C14orf39: variants seen among roughly 807,000 people sequenced by gnomAD.
C14orf39 encodes the protein chromosome 14 open reading frame 39.
A neutral mutation model predicts 85.6 loss-of-function variants in C14orf39; 66 were observed. The ratio of observed to expected loss-of-function variants is 0.77; its 90% confidence interval spans 0.63 to 0.95. The LOEUF (loss-of-function observed/expected upper bound fraction) is 0.95, where lower values mean the gene tolerates loss of function less well. Ranked by LOEUF, C14orf39 falls within the 40% of genes least tolerant of loss-of-function variation. The pLI is 0.00. For synonymous variants in C14orf39, 242 were observed against 214.0 expected (o/e 1.13, Z -1.14); for missense variants, 735 against 663.9 (o/e 1.11, Z -1.18).
At chr14:60,460,512 A>G (rs1321482051) in intron 13 of C14orf39, among the ~76,000 whole-genome samples, 2 of 151,802 alleles carry the variant, frequency 1.3e-5, no homozygotes, top group Non-Finnish European at 3.0e-5. Flanking sequence ...AAAACTTCAA[A>G]ACAAAAGTCA....
At chr14:60,507,906 A>G (rs1292412874) in intron 1 of C14orf39, among the ~76,000 whole-genome samples, 1 of 152,110 alleles carries the variant, frequency 6.6e-6, no homozygotes, top group East Asian at 1.9e-4. Flanking sequence ...TTCAAACTAA[A>G]CAAACCCCTA....
intron 16 of C14orf39, among the ~76,000 whole-genome samples, chr14:60,452,983 G>A (rs1891107006): frequency 6.6e-6 from 1 of 151,978 alleles, no homozygotes. Flanking sequence ...AGAATATGGT[G>A]TATCTTGCTG....
rs1241385249 is a variant in C14orf39, at chr14:60,515,448, C to T, written c.-197G>A. 2 of 152,022 alleles carry T rather than the reference C, an allele frequency of 1.3e-5. No homozygotes were observed. Among genetic ancestry groups the T allele is most frequent in the African/African-American group, 4.8e-5 (2 of 41,428 alleles). The allele number at this position is 152,022 out of a possible 1,614,324, so 9.4% of individuals were successfully genotyped here. ...CGGACGTGTAGGCCTCGAGCCACTCCTACTGTTGGGCTGCGTGACTCAGCG... is the reference window on the plus strand; with the variant it reads ...CGGACGTGTAGGCCTCGAGCCACTCTTACTGTTGGGCTGCGTGACTCAGCG... On this transcript the variant is annotated 5_prime_UTR_variant, in exon 1 of 6. Coordinates refer to the C14orf39 transcript ENST00000556799. The surrounding 1 kb of genome is among the most constrained non-coding windows in gnomAD (Gnocchi z 6.2).
intron 5 of C14orf39, among the ~76,000 whole-genome samples, chr14:60,473,159 T>C (rs1263344691): frequency 6.6e-6 from 1 of 152,244 alleles, no homozygotes; most frequent in Non-Finnish European, 1.5e-5. Context: ...TGGCCAGTGA[T>C]GATGAGCATT....
Position 60,484,745 on chromosome 14 carries a change from AG to A in C14orf39, c.106+135del. 2 of 609,114 alleles carry A rather than the reference AG, an allele frequency of 3.3e-6. No homozygotes were observed. The highest frequency in any genetic ancestry group is 4.4e-5 in the South Asian group (2 of 45,458). 37.7% of individuals were successfully genotyped at this position (609,114 alleles called of 1,614,324 possible). ...CACATCTATTTCGTCTAGGGTAAAT[AG>A]TTTATTTGTCGCTAGAGAGAACTGA... On this transcript the variant is annotated intron_variant, in intron 3 of 17. Coordinates refer to ENST00000321731, the MANE Select transcript of C14orf39 (RefSeq NM_174978.3). The surrounding 1 kb of genome is among the most constrained non-coding windows in gnomAD (Gnocchi z 4.2).
chr14:60,477,802 A>G (rs549532475), intron 5 of C14orf39, among the ~76,000 whole-genome samples: 1 of 152,310 alleles, frequency 6.6e-6, no homozygotes, highest in East Asian at 1.9e-4. Context: ...ATCTAAATAT[A>G]TCTAGGATTA....
At chr14:60,475,697 C>T in intron 5 of C14orf39, among the ~76,000 whole-genome samples, 2 of 152,092 alleles carry the variant, frequency 1.3e-5, no homozygotes, top group East Asian at 3.8e-4. Flanking sequence ...TTAATACTTA[C>T]TATCTGGTCC....
chr14:60,473,933 C>G (rs1892236788), intron 5 of C14orf39, among the ~76,000 whole-genome samples: 1 of 152,240 alleles, frequency 6.6e-6, no homozygotes, highest in East Asian at 1.9e-4. Flanking sequence ...TTTTCCAACT[C>G]TGTGATGAAA....
intron 16 of C14orf39, among the ~76,000 whole-genome samples, chr14:60,443,522 G>A (rs1290872852): frequency 6.6e-6 from 1 of 152,224 alleles, no homozygotes; most frequent in African/African-American, 2.4e-5. Flanking sequence ...CAGCCAGGAA[G>A]CTTGAACTGG....
At chr14:60,446,063 G>A (rs2140034813) in intron 16 of C14orf39, among the ~76,000 whole-genome samples, 1 of 152,278 alleles carries the variant, frequency 6.6e-6, no homozygotes, top group East Asian at 1.9e-4. Context: ...GTTTAAAGCA[G>A]TGTGTAGAGG....
chr14:60,461,998 A>C (rs892575517), intron 11 of C14orf39, among the ~76,000 whole-genome samples: 9 of 152,260 alleles, frequency 5.9e-5, no homozygotes, highest in African/African-American at 2.2e-4. Flanking sequence ...AAAACAACAG[A>C]TTAAAAGATT....
At chr14:60,452,467 G>C (rs753751217) in intron 16 of C14orf39, among the ~76,000 whole-genome samples, 71 of 151,916 alleles carry the variant, frequency 4.7e-4, no homozygotes, top group Non-Finnish European at 8.4e-4. Flanking sequence ...CATGGAGATA[G>C]AGAGTAGAAA....
intron 8 of C14orf39, among the ~76,000 whole-genome samples, 179 bp from the exon 9 acceptor site, chr14:60,468,715 T>C (rs1891921139): frequency 6.6e-6 from 1 of 151,706 alleles, no homozygotes; most frequent in Non-Finnish European, 1.5e-5. Flanking sequence ...CACACCCGTT[T>C]AACTTTTCCT....
At chr14:60,454,968 T>A (rs942279598) in intron 16 of C14orf39, 33 bp downstream of exon 16, 3 of 1,454,004 alleles carry the variant, frequency 2.1e-6, no homozygotes, top group Non-Finnish European at 2.7e-6. Flanking sequence ...CAGCAGAATT[T>A]TTAGAAATAA....
intron 1 of C14orf39, among the ~76,000 whole-genome samples, chr14:60,501,960 C>A (rs1408220506): frequency 2.0e-5 from 3 of 152,202 alleles, no homozygotes; most frequent in Non-Finnish European, 2.9e-5. Flanking sequence ...TTAATCCCTA[C>A]ATCTATCCCA....
chr14:60,483,114 A>G (rs930313326), intron 4 of C14orf39, among the ~76,000 whole-genome samples: 7 of 152,078 alleles, frequency 4.6e-5, no homozygotes, highest in Non-Finnish European at 1.0e-4. Flanking sequence ...CTAATGGGGG[A>G]AAAACAAAAA....
Position 60,511,127 on chromosome 14 carries a change from C to A in C14orf39, c.-144+4268G>T, listed in dbSNP as rs148118869. ...GTCACAGGGTTCCGGGCGGGCACTA[C>A]GGGCGGAGGGCGACGGCACGCCAGA... On this transcript the variant is annotated intron_variant, in intron 1 of 5. Transcript: ENST00000556799. 1.2e-5 allele frequency: 20 copies of A among 1,612,688 alleles called. No homozygotes were observed. In the African/African-American group the frequency reaches 2.1e-4, roughly 17 times the overall value.
chr14:60,444,342 G>C (rs564965395), intron 16 of C14orf39, among the ~76,000 whole-genome samples: 4 of 152,238 alleles, frequency 2.6e-5, no homozygotes, highest in African/African-American at 9.6e-5. Context: ...AAACAGCGTA[G>C]AGAAGACTTT....
Position 60,478,392 on chromosome 14 carries a change from A to G in C14orf39, c.234-3T>C. The stretch of plus-strand genomic sequence containing the variant: ...AAACATCACATGTTGGCTTCCAGCT[A>G]TAGAAAAAAATATATTTGTAATTAG... On this transcript the variant is annotated splice_region_variant and splice_polypyrimidine_tract_variant and intron_variant, in intron 4 of 17. Transcript: ENST00000321731. 2 of 1,521,078 alleles carry G rather than the reference A, an allele frequency of 1.3e-6. No individual in the cohort carries two copies. The highest frequency in any genetic ancestry group is 2.1e-5 in the Admixed American group (1 of 47,482). 94.2% of individuals were successfully genotyped at this position (1,521,078 alleles called of 1,614,324 possible). A position where few individuals can be genotyped will look rare whatever the true frequency, so the allele number is the denominator to read the frequency against.
Sources: gnomAD v4.1 joint callset for allele counts (sites outside exome capture counted in the v4.1 genomes callset) on GRCh38, gnomAD v4.1.1 for gene constraint, Gnocchi (gnomAD v3.1) non-coding constraint, MANE v1.5 for transcripts, NCBI Gene and HGNC (gene_info 2026-07-23, HGNC 2026-07-21) for gene names.